The following KIRREL1 variants were observed in gnomAD, a reference collection of about 807,000 sequenced individuals.
KIRREL1 encodes kirre like nephrin family adhesion molecule 1.
Under a neutral mutation model 83.3 loss-of-function variants are expected in KIRREL1, and 25 were observed. The ratio of observed to expected loss-of-function variants is 0.30; its 90% CI spans 0.22 to 0.42. The LOEUF (loss-of-function observed/expected upper bound fraction) is 0.42, where lower values mean the gene tolerates loss of function less well. KIRREL1 is among the 10% of genes least tolerant of loss of function. The probability of loss-of-function intolerance (pLI) is 1.00; values close to 1 mark genes in which losing one functional copy is unlikely to be tolerated. For synonymous variants in KIRREL1, 388 were observed against 410.4 expected (o/e 0.95, Z 0.66); for missense variants, 812 against 1,032.3 (o/e 0.79, Z 2.92).
chr1:158,010,234 G>A (rs1039919850), intron 1 of KIRREL1, among the ~76,000 whole-genome samples: 2 of 151,818 alleles, frequency 1.3e-5, no homozygotes, highest in African/African-American at 2.4e-5. Flanking sequence ...CAGGAGCAGC[G>A]TTTGCTCAGG....
chr1:158,052,485 GAA>G (rs1032034808), intron 1 of KIRREL1, among the ~76,000 whole-genome samples: 42 of 152,164 alleles, frequency 2.8e-4, no homozygotes, highest in Admixed American at 5.2e-4. Context: ...AATTTATAAA[GAA>G]AAGAGATTTA....
intron 1 of KIRREL1, among the ~76,000 whole-genome samples, chr1:158,038,108 T>C (rs1196206442): frequency 6.6e-6 from 1 of 152,220 alleles, no homozygotes; most frequent in Admixed American, 6.5e-5. Context: ...TCTGCCTGGC[T>C]GATGAGGGAG....
At chr1:158,069,500 C>T (rs1004271099) in intron 1 of KIRREL1, among the ~76,000 whole-genome samples, 5 of 152,124 alleles carry the variant, frequency 3.3e-5, no homozygotes, top group Non-Finnish European at 7.4e-5. Context: ...CCCCAGTGCC[C>T]TGATGAGGAT....
Position 158,016,044 on chromosome 1 carries a change from G to A in KIRREL1, c.52+22316G>A, listed in dbSNP as rs187869105. Among the ~76,000 whole-genome samples the A allele has an allele frequency of 7.2e-5, 11 of 152,316 alleles. No homozygotes were observed. The East Asian group carries it at 2.1e-3, about 29-fold the overall frequency. ...AAGCAGGCTGGGTGCGGCGGCTCAA[G>A]CCTGTAATCCCAGCACTTTGGGAGG... On this transcript the variant is annotated intron_variant, in intron 1 of 14. Transcript: ENST00000359209.
At chr1:158,038,959 G>C (rs935122386) in intron 1 of KIRREL1, among the ~76,000 whole-genome samples, 3 of 152,220 alleles carry the variant, frequency 2.0e-5, no homozygotes, top group African/African-American at 7.2e-5. Flanking sequence ...CTTTTTAATA[G>C]CTGTAGCTGT....
At position 158,082,291 on chromosome 1, in the gene KIRREL1, G is replaced by A. The variant is rs1661884649; in HGVS notation, c.353-2131G>A. Among the ~76,000 whole-genome samples, 4 of 152,036 alleles carry A rather than the reference G, an allele frequency of 2.6e-5. 1 individual carries two copies. In the South Asian group the frequency reaches 8.3e-4, roughly 32 times the overall value. On this transcript the variant is annotated intron_variant, in intron 3 of 14. Transcript: ENST00000359209. The stretch of plus-strand genomic sequence containing the variant: ...TCTGACCTTCATGAGGCTCTAGTGA[G>A]TATGGTTATGTCTTGGTTTCTTCTC...
intron 11 of KIRREL1, 136 bp downstream of exon 11, chr1:158,091,692 G>A (rs1226260645): frequency 1.2e-6 from 1 of 813,014 alleles, no homozygotes; most frequent in Admixed American, 2.4e-5. Flanking sequence ...ACAGAGGGAT[G>A]TCCTGGCTGA....
chr1:157,999,754 G>A (rs1056842084), intron 1 of KIRREL1, among the ~76,000 whole-genome samples: 2 of 152,134 alleles, frequency 1.3e-5, no homozygotes, highest in Admixed American at 1.3e-4. Context: ...GTCAGCAGTA[G>A]AGGAGAAAGA....
At chr1:158,021,609 G>A (rs1008585666) in intron 1 of KIRREL1, among the ~76,000 whole-genome samples, 2 of 152,156 alleles carry the variant, frequency 1.3e-5, no homozygotes, top group Non-Finnish European at 2.9e-5. Flanking sequence ...GAAGAAATGT[G>A]CATATACATG....
intron 1 of KIRREL1, among the ~76,000 whole-genome samples, chr1:158,006,319 T>C (rs1478312862): frequency 6.6e-6 from 1 of 152,222 alleles, no homozygotes; most frequent in African/African-American, 2.4e-5. Context: ...CAGGAAGTTC[T>C]TCTTTGTGTC....
At chr1:158,031,375 A>G (rs559868524) in intron 1 of KIRREL1, among the ~76,000 whole-genome samples, 35 of 152,226 alleles carry the variant, frequency 2.3e-4, no homozygotes, top group Admixed American at 7.9e-4. Context: ...ACGCACTGCC[A>G]TGAGGCTTGG....
At chr1:158,040,966 G>T (rs989118420) in intron 1 of KIRREL1, among the ~76,000 whole-genome samples, 2 of 152,172 alleles carry the variant, frequency 1.3e-5, no homozygotes, top group Admixed American at 6.5e-5. Context: ...AGGGGTAGGG[G>T]GAGCTGGGCA....
In KIRREL1 at chr1:158,086,665, A is replaced by G; in HGVS notation, c.580A>G (p.Ile194Val). ...GCTTATTAACCCCACGGACCTGGAC[A>G]TAGGGCGTGTCTTCACTTGCCGAAG... is the stretch of plus-strand genomic sequence containing the variant. Reference protein sequence around the residue: ...QLLINPTDLDIGRVFTCRSMN... With the variant: ...QLLINPTDLDVGRVFTCRSMN... Residue 194 changes from isoleucine to valine, a missense_variant, in exon 5 of 15, where the codon ATA (isoleucine) becomes GTA (valine). Physicochemically the swap from Ile to Val is conservative, Grantham distance 29. Around this residue, in one of 3 missense-constraint regions of KIRREL1, gnomAD observed 472 missense variants for 626.8 expected, o/e 0.75. Coordinates refer to ENST00000359209, the MANE Select transcript of KIRREL1 (RefSeq NM_018240.7). The G allele has an allele frequency of 6.4e-7, 1 of 1,551,972 alleles. No homozygotes were observed.
chr1:158,033,055 G>A (rs928800903), intron 1 of KIRREL1, among the ~76,000 whole-genome samples: 5 of 151,970 alleles, frequency 3.3e-5, no homozygotes, highest in Non-Finnish European at 7.4e-5. Flanking sequence ...ACAGGCCTGA[G>A]CCACTGCGCC....
chr1:158,062,033 T>C (rs1416417481), intron 1 of KIRREL1, among the ~76,000 whole-genome samples: 1 of 152,132 alleles, frequency 6.6e-6, no homozygotes, highest in Admixed American at 6.5e-5. Flanking sequence ...GGAACAGTCA[T>C]CAGTGTGCAT....
rs368818824 is a variant in KIRREL1 at position 158,093,381 on chromosome 1, C to T, written c.1514C>T (p.Ala505Val). 4.3e-5 allele frequency: 70 copies of T among 1,614,118 alleles called. No homozygotes were observed. Among genetic ancestry groups the T allele is most frequent in the South Asian group, 1.6e-4 (15 of 91,072 alleles). ...VGIIAGATIG[A>V]SILLIFFFIA... ...ATCATAGCTGGGGCCACCATCGGCG[C>T]GAGCATCCTGCTCATCTTCTTCTTC... Residue 505 changes from alanine (A) to valine (V), a missense_variant, in exon 12 of 15, where the codon GCG becomes GTG. Coordinates refer to ENST00000359209, the MANE Select transcript of KIRREL1 (RefSeq NM_018240.7).
intron 11 of KIRREL1, among the ~76,000 whole-genome samples, chr1:158,092,350 T>TC (rs959535998): frequency 4.1e-5 from 6 of 146,038 alleles, no homozygotes; most frequent in African/African-American, 1.5e-4. Flanking sequence ...TCAGTCTTTT[T>TC]TTTTTTTTTT....
At chr1:158,062,255 C>G (rs1661233447) in intron 1 of KIRREL1, among the ~76,000 whole-genome samples, 2 of 152,214 alleles carry the variant, frequency 1.3e-5, no homozygotes, top group South Asian at 4.1e-4. Flanking sequence ...CCAGCGTCAT[C>G]AACCCTGAAG....
intron 1 of KIRREL1, among the ~76,000 whole-genome samples, chr1:158,062,120 T>C (rs1355535253): frequency 6.6e-6 from 1 of 152,138 alleles, no homozygotes; most frequent in Non-Finnish European, 1.5e-5. Context: ...CCCCCACCAA[T>C]ATCCTGTAAA....
Sources: allele counts gnomAD v4.1 joint callset (sites outside exome capture counted in the v4.1 genomes callset), GRCh38; gene constraint gnomAD v4.1.1; regional missense constraint gnomAD v4.1.1; transcripts MANE v1.5; gene names NCBI Gene and HGNC (gene_info 2026-07-23, HGNC 2026-07-21).